The following RPS6KA5 variants were observed in gnomAD, a reference collection of about 807,000 sequenced individuals.
RPS6KA5 encodes the protein ribosomal protein S6 kinase alpha-5.
In RPS6KA5, 27 loss-of-function variants were observed where a neutral mutation model predicts 85.5. The observed-to-expected ratio is 0.32, with a 90% CI of 0.23 to 0.44. RPS6KA5 has a LOEUF of 0.44. RPS6KA5 is among the 20% of genes least tolerant of loss of function. The probability of loss-of-function intolerance (pLI) is 1.00; values close to 1 mark genes in which losing one functional copy is unlikely to be tolerated. For synonymous variants in RPS6KA5, 334 were observed against 348.2 expected (o/e 0.96, Z 0.46); for missense variants, 811 against 980.9 (o/e 0.83, Z 2.31).
rs1480328668 is a variant in RPS6KA5, at chr14:90,859,683, T to C, written c.*12391A>G. ...AGGACTATAACAGACATATGGAACA[T>C]AGTATAACACACAATCCTAGAAAAC... is the stretch of plus-strand genomic sequence containing the variant. On this transcript the variant is annotated 3_prime_UTR_variant, in exon 17 of 17. Coordinates refer to ENST00000614987, the MANE Select transcript of RPS6KA5 (RefSeq NM_004755.4). The C allele has an allele frequency of 1.3e-5, 2 of 152,120 alleles. No individual in the cohort carries two copies. The highest frequency in any genetic ancestry group is 3.8e-4 in the East Asian group (2 of 5,200). The allele number at this position is 152,120 out of a possible 1,614,324, so 9.4% of individuals were successfully genotyped here. A position where few individuals can be genotyped will look rare whatever the true frequency, so the allele number is the denominator to read the frequency against.
chr14:90,911,724 C>T (rs150820322), intron 7 of RPS6KA5, among the ~76,000 whole-genome samples: 1 of 151,826 alleles, frequency 6.6e-6, no homozygotes, highest in African/African-American at 2.4e-5. Flanking sequence ...CTGAAAAATA[C>T]AAAATTATAT....
rs990184680 is a variant in RPS6KA5 at position 90,855,316 on chromosome 14, T to C, written c.*16758A>G. 2.6e-5 allele frequency: 4 copies of C among 152,256 alleles called. No homozygotes were observed. Among genetic ancestry groups the C allele is most frequent in the Non-Finnish European group, 5.9e-5 (4 of 68,044 alleles). 9.4% of individuals were successfully genotyped at this position (152,256 alleles called of 1,614,324 possible). A position where few individuals can be genotyped will look rare whatever the true frequency, so the allele number is the denominator to read the frequency against. ...TGACTTTCTGAATAAATATTTCAGC[T>C]AACTGCACAAATGAGCCTGCTTCTG... On this transcript the variant is annotated 3_prime_UTR_variant, in exon 17 of 17. Transcript: ENST00000614987.
intron 2 of RPS6KA5, among the ~76,000 whole-genome samples, chr14:90,989,382 G>C (rs772491968): frequency 2.6e-5 from 4 of 152,170 alleles, no homozygotes; most frequent in African/African-American, 9.7e-5. Flanking sequence ...CCAGAAGAGT[G>C]AATCAACTTG....
chr14:90,949,571 A>G (rs141004738), intron 3 of RPS6KA5, among the ~76,000 whole-genome samples: 78 of 152,300 alleles, frequency 5.1e-4, no homozygotes, highest in Non-Finnish European at 9.6e-4. Flanking sequence ...TCTGAACAAA[A>G]CCACTCTGAA....
At position 90,885,741 on chromosome 14, in the gene RPS6KA5, C is replaced by CAAAAAAAAAAAAAA. The variant is rs11312699; in HGVS notation, c.1836+4732_1836+4745dup. 4.9e-3 allele frequency among the ~76,000 whole-genome samples: 137 copies of CAAAAAAAAAAAAAA among 27,906 alleles called. 2 individuals are homozygous for CAAAAAAAAAAAAAA. Among genetic ancestry groups the CAAAAAAAAAAAAAA allele is most frequent in the Admixed American group, 6.2e-3 (9 of 1,460 alleles). 18.3% of individuals were successfully genotyped at this position (27,906 alleles called of 152,430 possible). The stretch of plus-strand genomic sequence containing the variant: ...TGGGTGACAGAGCAAGACTCCATCT[C>CAAAAAAAAAAAAAA]AAAAAAAAAAAAAAAAAAAAAAAAA... On this transcript the variant is annotated intron_variant, in intron 14 of 16. Coordinates refer to ENST00000614987, the MANE Select transcript of RPS6KA5 (RefSeq NM_004755.4).
At chr14:90,906,984 T>C (rs1210973505) in intron 7 of RPS6KA5, among the ~76,000 whole-genome samples, 2 of 152,154 alleles carry the variant, frequency 1.3e-5, no homozygotes, top group East Asian at 1.9e-4. Context: ...CAATTTATTA[T>C]GGAAAATAAA....
At position 90,991,664 on chromosome 14, in the gene RPS6KA5, T is replaced by C. The variant is rs560261959; in HGVS notation, c.175+9424A>G. Among the ~76,000 whole-genome samples the C allele has an allele frequency of 8.2e-4, 103 of 125,908 alleles. 1 individual carries two copies. Among genetic ancestry groups the C allele is most frequent in the African/African-American group, 3.0e-3 (99 of 33,372 alleles). The allele number at this position is 125,908 out of a possible 152,430, so 82.6% of individuals were successfully genotyped here. A position where few individuals can be genotyped will look rare whatever the true frequency, so the allele number is the denominator to read the frequency against. ...TTGCAGTGAGCTGAGATCACACCACTGAACTTCAGCCTGGGTGACAGAGTG... is the reference window on the plus strand; with the variant it reads ...TTGCAGTGAGCTGAGATCACACCACCGAACTTCAGCCTGGGTGACAGAGTG... On this transcript the variant is annotated intron_variant, in intron 2 of 16. Coordinates refer to ENST00000614987, the MANE Select transcript of RPS6KA5 (RefSeq NM_004755.4).
intron 14 of RPS6KA5, among the ~76,000 whole-genome samples, chr14:90,881,856 C>T (rs1199546506): frequency 6.6e-6 from 1 of 152,166 alleles, no homozygotes; most frequent in Non-Finnish European, 1.5e-5. Flanking sequence ...GTTTCACTTT[C>T]AATCTATTTG....
At chr14:90,985,198 C>A (rs946491548) in intron 2 of RPS6KA5, among the ~76,000 whole-genome samples, 2 of 152,192 alleles carry the variant, frequency 1.3e-5, no homozygotes, top group Non-Finnish European at 2.9e-5. Flanking sequence ...CCACCTCGGC[C>A]TCCCAAAGTG....
intron 1 of RPS6KA5, among the ~76,000 whole-genome samples, chr14:91,042,004 A>T (rs1184385680): frequency 6.6e-6 from 1 of 152,208 alleles, no homozygotes; most frequent in African/African-American, 2.4e-5. Context: ...AATATAAAAC[A>T]CTTCAAAAAG....
At chr14:91,005,629 A>G (rs2040985955) in intron 1 of RPS6KA5, among the ~76,000 whole-genome samples, 1 of 152,202 alleles carries the variant, frequency 6.6e-6, no homozygotes, top group Non-Finnish European at 1.5e-5. Context: ...AAAAACACAT[A>G]TTTGAGCATG....
chr14:90,913,205 G>T (rs2035927106), intron 7 of RPS6KA5, among the ~76,000 whole-genome samples: 1 of 151,946 alleles, frequency 6.6e-6, no homozygotes, highest in Non-Finnish European at 1.5e-5. Context: ...GAGCCACTGC[G>T]GCCGGCCACA....
At chr14:91,048,495 C>G (rs972253904) in intron 1 of RPS6KA5, among the ~76,000 whole-genome samples, 1 of 151,898 alleles carries the variant, frequency 6.6e-6, no homozygotes, top group African/African-American at 2.4e-5. Flanking sequence ...CTACTGAATA[C>G]TTTTTTAAAA....
At chr14:90,952,074 G>T (rs935818007) in intron 3 of RPS6KA5, among the ~76,000 whole-genome samples, 1 of 152,174 alleles carries the variant, frequency 6.6e-6, no homozygotes, top group Non-Finnish European at 1.5e-5. Context: ...AGGCACCTTG[G>T]ATTGCTTCTT....
At position 91,040,357 on chromosome 14, in the gene RPS6KA5, G is replaced by A. The variant is rs548640493; in HGVS notation, c.103+19975C>T. Among the ~76,000 whole-genome samples the A allele has an allele frequency of 1.1e-4, 16 of 152,306 alleles. No homozygotes were observed. The East Asian group carries it at 2.9e-3, about 28-fold the overall frequency. On this transcript the variant is annotated intron_variant, in intron 1 of 16. Coordinates refer to ENST00000614987, the MANE Select transcript of RPS6KA5 (RefSeq NM_004755.4). The stretch of plus-strand genomic sequence containing the variant: ...CGAGAGGTGGAGGTTCCAGTGAGCC[G>A]AGATCATGCCACTGCACTCCAGCCT...
intron 2 of RPS6KA5, among the ~76,000 whole-genome samples, chr14:91,000,260 A>G (rs534866998): frequency 3.3e-5 from 5 of 152,340 alleles, no homozygotes; most frequent in African/African-American, 1.2e-4. Context: ...TTTCCAAAAT[A>G]TTAAATAAAA....
At chr14:90,979,185 G>A (rs1473775282) in intron 2 of RPS6KA5, among the ~76,000 whole-genome samples, 1 of 152,214 alleles carries the variant, frequency 6.6e-6, no homozygotes, top group Non-Finnish European at 1.5e-5. Flanking sequence ...CCTACGTGTG[G>A]TGCCCCTCCT....
intron 3 of RPS6KA5, among the ~76,000 whole-genome samples, chr14:90,953,435 C>T (rs939227893): frequency 3.9e-5 from 6 of 152,058 alleles, no homozygotes; most frequent in African/African-American, 9.7e-5. Context: ...GATTGTAAAA[C>T]GTGTGTTTGA....
At chr14:90,932,085 T>G (rs2037013229) in intron 5 of RPS6KA5, among the ~76,000 whole-genome samples, 2 of 152,284 alleles carry the variant, frequency 1.3e-5, no homozygotes, top group African/African-American at 4.8e-5. Context: ...AACCATATAA[T>G]CAGGTTGGCC....
Sources: allele counts gnomAD v4.1 joint callset (sites outside exome capture counted in the v4.1 genomes callset), GRCh38; gene constraint gnomAD v4.1.1; transcripts MANE v1.5; gene names NCBI Gene and HGNC (gene_info 2026-07-23, HGNC 2026-07-21).